Variants in ATP1B3 observed in about 807,000 individuals in gnomAD.
ATP1B3 encodes the protein sodium/potassium-transporting ATPase subunit beta-3.
In ATP1B3, 10 loss-of-function variants were observed where a neutral mutation model predicts 30.2. The observed-to-expected ratio is 0.33, with a 90% CI of 0.20 to 0.56. ATP1B3 has a LOEUF of 0.56. ATP1B3 is among the 20% of genes least tolerant of loss of function. ATP1B3 has a pLI of 0.90. For missense variants in ATP1B3, 238 were observed against 336.7 expected, an observed-to-expected ratio of 0.71 and a Z score of 2.29; for synonymous variants, 113 against 117.0, an observed-to-expected ratio of 0.97 and a Z score of 0.22.
At chr3:141,905,004 C>G (rs1934238584) in intron 2 of ATP1B3, among the ~76,000 whole-genome samples, 1 of 152,192 alleles carries the variant, frequency 6.6e-6, no homozygotes, top group African/African-American at 2.4e-5. Context: ...AGCCACCACA[C>G]CTGGCCTAAA....
At chr3:141,880,823 C>T (rs1933706909) in intron 1 of ATP1B3, among the ~76,000 whole-genome samples, 1 of 152,080 alleles carries the variant, frequency 6.6e-6, no homozygotes, top group Non-Finnish European at 1.5e-5. Flanking sequence ...AAAATTAAAC[C>T]TATGGGTCAT....
chr3:141,889,762 C>CAA (rs1933904891), intron 1 of ATP1B3, among the ~76,000 whole-genome samples: 1 of 94,066 alleles, frequency 1.1e-5, no homozygotes, highest in Non-Finnish European at 2.0e-5. Context: ...TATATACACA[C>CAA]ACACACACAC....
rs1576395623 is a variant in ATP1B3 at position 141,903,810 on chromosome 3, T to C, written c.238+62T>C. ...TTTGTTTTTTTTTTGAGACAGAGTT[T>C]CACTCTTGTTGCCCAGGCTGGAATG... On this transcript the variant is annotated intron_variant, in intron 2 of 6. Coordinates refer to ENST00000286371, the MANE Select transcript of ATP1B3 (RefSeq NM_001679.4). 1.3e-5 allele frequency: 21 copies of C among 1,567,298 alleles called. No individual in the cohort carries two copies. In the East Asian group the frequency reaches 4.8e-4, roughly 36 times the overall value.
chr3:141,912,758 A>G (rs1185379379), intron 3 of ATP1B3, among the ~76,000 whole-genome samples: 1 of 152,188 alleles, frequency 6.6e-6, no homozygotes, highest in African/African-American at 2.4e-5. Context: ...CACTGTGCCA[A>G]GTACGGAGCA....
At chr3:141,922,656 C>T (rs1934585497) in intron 6 of ATP1B3, among the ~76,000 whole-genome samples, 1 of 147,342 alleles carries the variant, frequency 6.8e-6, no homozygotes, top group African/African-American at 2.5e-5. Context: ...CTGTTTCCCC[C>T]ACCAAAAAAA....
chr3:141,910,547 A>G (rs1934340462), intron 3 of ATP1B3, among the ~76,000 whole-genome samples: 1 of 151,732 alleles, frequency 6.6e-6, no homozygotes, highest in Non-Finnish European at 1.5e-5. Context: ...CTTGGTCTTT[A>G]TATCTTCTTT....
chr3:141,906,321 A>G (rs771684973), intron 2 of ATP1B3, among the ~76,000 whole-genome samples: 1 of 152,134 alleles, frequency 6.6e-6, no homozygotes, highest in African/African-American at 2.4e-5. Flanking sequence ...CTGGGACTAC[A>G]GGCATGCACC....
intron 6 of ATP1B3, among the ~76,000 whole-genome samples, chr3:141,924,010 T>TC (rs1167100706): frequency 6.6e-6 from 1 of 152,188 alleles, no homozygotes; most frequent in Admixed American, 6.5e-5. Flanking sequence ...ATACTTTTTT[T>TC]CCTCTGTCAT....
intron 1 of ATP1B3, among the ~76,000 whole-genome samples, chr3:141,883,317 G>A (rs760823067): frequency 1.7e-4 from 26 of 152,148 alleles, no homozygotes; most frequent in Non-Finnish European, 2.6e-4. Context: ...GTGAAACCCT[G>A]TCACTACTAA....
chr3:141,889,121 C>T (rs1193398901), intron 1 of ATP1B3, among the ~76,000 whole-genome samples: 1 of 152,070 alleles, frequency 6.6e-6, no homozygotes, highest in African/African-American at 2.4e-5. Flanking sequence ...AACAACCAGA[C>T]TCATGAGAAC....
At position 141,916,002 on chromosome 3, in the gene ATP1B3, G is replaced by A; in HGVS notation, c.564G>A (p.Arg188=). 1 of 1,606,330 alleles carries A rather than the reference G, an allele frequency of 6.2e-7. No individual in the cohort carries two copies. The highest frequency in any genetic ancestry group is 8.5e-7 in the Non-Finnish European group (1 of 1,176,146). ...IIGLKPEGVP[R]IDCVSKNEDI... is the part of the protein sequence containing the mutation. ...GATTAAAGCCTGAAGGAGTGCCAAG[G>A]ATAGATTGTGTTTCAAAGGTTAGTA... is the stretch of plus-strand genomic sequence containing the variant. Residue 188 remains arginine (R), a synonymous_variant, in exon 5 of 7, where the codon AGG becomes AGA. Coordinates refer to ENST00000286371, the MANE Select transcript of ATP1B3 (RefSeq NM_001679.4).
At chr3:141,885,539 C>G (rs1933812601) in intron 1 of ATP1B3, among the ~76,000 whole-genome samples, 1 of 152,140 alleles carries the variant, frequency 6.6e-6, no homozygotes, top group African/African-American at 2.4e-5. Context: ...ACCTCCGCCT[C>G]CCAGGTTTAA....
intron 1 of ATP1B3, among the ~76,000 whole-genome samples, chr3:141,896,353 C>CA (rs1553744248): frequency 4.6e-5 from 7 of 151,612 alleles, no homozygotes; most frequent in Non-Finnish European, 4.4e-5. Context: ...CCCTTCTGTA[C>CA]AAAAAAAATT....
At chr3:141,925,421 C>A in intron 6 of ATP1B3, 110 bp from the exon 7 acceptor site, 1 of 1,179,630 alleles carries the variant, frequency 8.5e-7, no homozygotes, top group Non-Finnish European at 1.2e-6. Flanking sequence ...TGCACTGCAG[C>A]CTGGGCAACA....
At chr3:141,901,062 C>T (rs539365379) in intron 1 of ATP1B3, among the ~76,000 whole-genome samples, 12 of 152,274 alleles carry the variant, frequency 7.9e-5, no homozygotes, top group African/African-American at 2.4e-4. Flanking sequence ...GGATTACAGG[C>T]GTGAGCCACT....
At chr3:141,924,375 A>T (rs1576403013) in intron 6 of ATP1B3, among the ~76,000 whole-genome samples, 2 of 149,610 alleles carry the variant, frequency 1.3e-5, no homozygotes, top group South Asian at 4.2e-4. Context: ...GCAGTGGCTC[A>T]CGCCTGTAAT....
chr3:141,882,661 G>A (rs574863455), intron 1 of ATP1B3, among the ~76,000 whole-genome samples: 23 of 152,286 alleles, frequency 1.5e-4, no homozygotes, highest in African/African-American at 5.3e-4. Context: ...TCGGCTCACC[G>A]CAACCTCTGC....
In ATP1B3 at chr3:141,901,566, G is replaced by C. The variant is rs189629623; in HGVS notation, c.110-2054G>C. ...TAATGGCCACTAGTATATGGCATCA[G>C]ATTTGGGACATAGCTGTTGATTTGT... On this transcript the variant is annotated intron_variant, in intron 1 of 6. Coordinates refer to ENST00000286371, the MANE Select transcript of ATP1B3 (RefSeq NM_001679.4). Among the ~76,000 whole-genome samples the C allele has an allele frequency of 1.4e-3, 215 of 152,268 alleles. 1 individual carries two copies. Among genetic ancestry groups the C allele is most frequent in the Non-Finnish European group, 1.4e-3 (93 of 68,036 alleles).
intron 2 of ATP1B3, among the ~76,000 whole-genome samples, chr3:141,906,062 A>C (rs1325478496): frequency 6.6e-6 from 1 of 151,690 alleles, no homozygotes; most frequent in Non-Finnish European, 1.5e-5. Flanking sequence ...TATTATATAC[A>C]TATAATATGT....
Sources: gnomAD v4.1 joint callset for allele counts (sites outside exome capture counted in the v4.1 genomes callset) on GRCh38, gnomAD v4.1.1 for gene constraint, MANE v1.5 for transcripts, NCBI Gene and HGNC (gene_info 2026-07-23, HGNC 2026-07-21) for gene names.